Variants in CEP85L observed in about 807,000 individuals in gnomAD.
CEP85L encodes centrosomal protein of 85 kDa-like.
A neutral mutation model predicts 100.3 loss-of-function variants in CEP85L; 60 were observed. That is an observed-to-expected ratio of 0.60 (90% CI 0.49 to 0.74). The LOEUF (loss-of-function observed/expected upper bound fraction) is 0.74, where lower values mean the gene tolerates loss of function less well. Ranked by LOEUF, CEP85L falls within the 30% of genes least tolerant of loss-of-function variation. The pLI is 0.00. For synonymous variants in CEP85L, 319 were observed against 322.7 expected (o/e 0.99, Z 0.12); for missense variants, 973 against 936.2 (o/e 1.04, Z -0.51).
intron 1 of CEP85L, among the ~76,000 whole-genome samples, chr6:118,689,146 C>T (rs1471082459): frequency 6.6e-6 from 1 of 152,200 alleles, no homozygotes; most frequent in African/African-American, 2.4e-5. Flanking sequence ...CCACTACACA[C>T]AATCTGCAGC....
chr6:118,614,908 A>ATAGG (rs1772925550), intron 2 of CEP85L, among the ~76,000 whole-genome samples: 1 of 151,622 alleles, frequency 6.6e-6, no homozygotes, highest in Admixed American at 6.6e-5. Context: ...AGATAGATAG[A>ATAGG]TTTTTTTAAA....
chr6:118,584,415 T>C (rs557235709), intron 2 of CEP85L, among the ~76,000 whole-genome samples: 2 of 152,278 alleles, frequency 1.3e-5, no homozygotes, highest in South Asian at 4.1e-4. Context: ...TATGGATACC[T>C]GGGTATGGTG....
intron 2 of CEP85L, among the ~76,000 whole-genome samples, chr6:118,590,142 C>T (rs1363331629): frequency 6.6e-6 from 1 of 152,078 alleles, no homozygotes; most frequent in Non-Finnish European, 1.5e-5. Flanking sequence ...GGTCAAGCCC[C>T]CCTCACTCTG....
chr6:118,492,314 A>C (rs543330525), intron 5 of CEP85L, among the ~76,000 whole-genome samples: 19 of 152,228 alleles, frequency 1.2e-4, no homozygotes, highest in African/African-American at 4.6e-4. Flanking sequence ...CTAATACTAA[A>C]TTCAATATGT....
At chr6:118,636,145 A>C (rs1420862464) in intron 1 of CEP85L, among the ~76,000 whole-genome samples, 2 of 152,248 alleles carry the variant, frequency 1.3e-5, no homozygotes, top group Non-Finnish European at 2.9e-5. Flanking sequence ...AAAACAGGTG[A>C]CAAGTCCAAT....
chr6:118,486,974 G>A (rs1774229527), intron 6 of CEP85L, among the ~76,000 whole-genome samples: 1 of 151,908 alleles, frequency 6.6e-6, no homozygotes, highest in Non-Finnish European at 1.5e-5. Flanking sequence ...ACGCCACAGA[G>A]ACACATTCAA....
chr6:118,707,230 T>A (rs1182649364), intron 1 of CEP85L, among the ~76,000 whole-genome samples: 1 of 149,006 alleles, frequency 6.7e-6, no homozygotes, highest in South Asian at 2.1e-4. Flanking sequence ...GCTCTTACTC[T>A]GTCACCCAGA....
At chr6:118,504,312 T>C (rs1348697034) in intron 5 of CEP85L, among the ~76,000 whole-genome samples, 1 of 151,808 alleles carries the variant, frequency 6.6e-6, no homozygotes, top group East Asian at 1.9e-4. Context: ...TATGCGGAGG[T>C]TGCAGTGAGC....
chr6:118,585,386 T>C (rs551896402), intron 2 of CEP85L, among the ~76,000 whole-genome samples: 1 of 152,284 alleles, frequency 6.6e-6, no homozygotes, highest in African/African-American at 2.4e-5. Context: ...TGATGCATTG[T>C]AGGAGACATC....
chr6:118,494,215 C>T (rs998790299), intron 5 of CEP85L, among the ~76,000 whole-genome samples: 3 of 152,110 alleles, frequency 2.0e-5, no homozygotes, highest in Admixed American at 6.5e-5. Flanking sequence ...AAAAATTCCA[C>T]GGGGACCCAA....
At chr6:118,681,427 G>GA (rs953981582) in intron 1 of CEP85L, among the ~76,000 whole-genome samples, 4 of 151,984 alleles carry the variant, frequency 2.6e-5, no homozygotes, top group Admixed American at 1.3e-4. Flanking sequence ...GATCTGGAAT[G>GA]AAAAAAACCT....
Position 118,566,309 on chromosome 6 carries a change from T to C in CEP85L, c.240A>G (p.Ser80=), listed in dbSNP as rs746428927. The change falls in exon 3 of 13, where the codon TCA becomes TCG. Residue 80 remains serine (S), a synonymous_variant. Coordinates refer to ENST00000368491, the MANE Select transcript of CEP85L (RefSeq NM_001042475.3). ...TAAAAGATAATGTGCCACTTGAAGT[T>C]GAATGATCTGGAAAGAAAAAAGATG... ...TSCSDSVEDH[S]TSSGTLSFKP... The C allele has an allele frequency of 6.2e-7, 1 of 1,610,776 alleles. No homozygotes were observed. The highest frequency in any genetic ancestry group is 8.5e-7 in the Non-Finnish European group (1 of 1,178,694).
At chr6:118,638,326 C>T (rs965176593) in intron 1 of CEP85L, among the ~76,000 whole-genome samples, 5 of 151,984 alleles carry the variant, frequency 3.3e-5, no homozygotes, top group Non-Finnish European at 5.9e-5. Context: ...ATTGTATGTG[C>T]CTCAAACACT....
At chr6:118,509,774 G>A (rs980811293) in intron 5 of CEP85L, among the ~76,000 whole-genome samples, 14 of 152,048 alleles carry the variant, frequency 9.2e-5, no homozygotes, top group Non-Finnish European at 7.4e-5. Flanking sequence ...CAATAAGTAC[G>A]CCAACAGTCT....
chr6:118,502,200 T>C (rs1775347558), intron 5 of CEP85L: 1 of 806,056 alleles, frequency 1.2e-6, no homozygotes, highest in Admixed American at 2.5e-5. Flanking sequence ...CAGGGTTATA[T>C]TTGAATTATG....
At chr6:118,533,623 T>A (rs542527427) in intron 3 of CEP85L, among the ~76,000 whole-genome samples, 2 of 151,988 alleles carry the variant, frequency 1.3e-5, no homozygotes, top group Non-Finnish European at 2.9e-5. Context: ...AATGCTCTGA[T>A]AACAAAACCA....
At chr6:118,603,299 G>A (rs1283872597) in intron 2 of CEP85L, among the ~76,000 whole-genome samples, 2 of 152,138 alleles carry the variant, frequency 1.3e-5, no homozygotes, top group African/African-American at 4.8e-5. Flanking sequence ...GGACTGTGTA[G>A]GCAAGGAATG....
chr6:118,513,381 A>G (rs1333572829), intron 4 of CEP85L, among the ~76,000 whole-genome samples: 1 of 152,124 alleles, frequency 6.6e-6, no homozygotes, highest in East Asian at 1.9e-4. Context: ...AAATAAAAGT[A>G]ACATGAAGAA....
chr6:118,515,973 C>T (rs1776251384), intron 4 of CEP85L, among the ~76,000 whole-genome samples: 1 of 152,140 alleles, frequency 6.6e-6, no homozygotes, highest in Non-Finnish European at 1.5e-5. Flanking sequence ...TTGTTCAACT[C>T]CCACTTATGA....
Sources: allele counts gnomAD v4.1 joint callset (sites outside exome capture counted in the v4.1 genomes callset), GRCh38; gene constraint gnomAD v4.1.1; transcripts MANE v1.5; gene names NCBI Gene and HGNC (gene_info 2026-07-23, HGNC 2026-07-21).